PIEZO2: variants seen among roughly 807,000 people sequenced by gnomAD.
PIEZO2 encodes the protein piezo type mechanosensitive ion channel component 2.
PIEZO2 carries 172 observed loss-of-function variants against 337.3 expected under a neutral mutation model. That is an observed-to-expected ratio of 0.51 (90% CI 0.45 to 0.58). The LOEUF (loss-of-function observed/expected upper bound fraction) is 0.58, where lower values mean the gene tolerates loss of function less well. Ranked by LOEUF, PIEZO2 falls within the 20% of genes least tolerant of loss-of-function variation. The pLI, the probability that PIEZO2 is intolerant of heterozygous loss-of-function variation, is 0.00. For synonymous variants in PIEZO2, 1,251 were observed against 1,228.5 expected (o/e 1.02, Z -0.38); for missense variants, 3,028 against 3,391.3 (o/e 0.89, Z 2.66).
At chr18:11,060,826 G>A (rs922082876) in intron 2 of PIEZO2, among the ~76,000 whole-genome samples, 4 of 151,802 alleles carry the variant, frequency 2.6e-5, no homozygotes. Flanking sequence ...TCTACCAGAG[G>A]TACAAGGAGG....
chr18:10,981,055 C>G (rs1285601324), intron 2 of PIEZO2, among the ~76,000 whole-genome samples: 2 of 152,156 alleles, frequency 1.3e-5, no homozygotes, highest in Non-Finnish European at 2.9e-5. Flanking sequence ...ACAGCCTGCA[C>G]TACTGACTGT....
intron 1 of PIEZO2, among the ~76,000 whole-genome samples, chr18:11,067,783 AT>A (rs1402227080): frequency 6.6e-6 from 1 of 152,266 alleles, no homozygotes; most frequent in East Asian, 1.9e-4. Flanking sequence ...CTCAATATCC[AT>A]TTTTACAAAT....
chr18:10,800,607 A>G, intron 10 of PIEZO2, 132 bp from the exon 11 acceptor site: 6 of 1,066,084 alleles, frequency 5.6e-6, no homozygotes, highest in Non-Finnish European at 7.6e-6. Flanking sequence ...AACTTAGCCA[A>G]TTGCCCAAAT....
rs565862988 is a variant in PIEZO2 at position 10,724,391 on chromosome 18, C to A, written c.5030-6132G>T. ...AAAAACGAAAACAAAAGTGCTTTCTCCTGGCCCAGCATACTTGGGTGAAGT... is the reference window on the plus strand; with the variant it reads ...AAAAACGAAAACAAAAGTGCTTTCTACTGGCCCAGCATACTTGGGTGAAGT... On this transcript the variant is annotated intron_variant, in intron 36 of 55. Coordinates refer to ENST00000674853, the MANE Select transcript of PIEZO2 (RefSeq NM_001378183.1). This position sits in a 1 kb window ranked among gnomAD's most constrained non-coding sequence, Gnocchi z 5.8. 3.3e-5 allele frequency among the ~76,000 whole-genome samples: 5 copies of A among 152,268 alleles called. No homozygotes were observed. The highest frequency in any genetic ancestry group is 9.6e-5 in the African/African-American group (4 of 41,546).
At position 11,101,779 on chromosome 18, in the gene PIEZO2, A is replaced by T. The variant is rs1183971863; in HGVS notation, c.65-35557T>A. The stretch of plus-strand genomic sequence containing the variant: ...GCTAGATTGATAAATATCCTGAGGA[A>T]AAATGTAGACCCCGACCAGGCAGAA... On this transcript the variant is annotated intron_variant, in intron 1 of 55. Coordinates refer to ENST00000674853, the MANE Select transcript of PIEZO2 (RefSeq NM_001378183.1). This position sits in a 1 kb window ranked among gnomAD's most constrained non-coding sequence, Gnocchi z 4.4. 6.6e-6 allele frequency among the ~76,000 whole-genome samples: 1 copy of T among 152,210 alleles called. No homozygotes were observed. Among genetic ancestry groups the T allele is most frequent in the East Asian group, 1.9e-4 (1 of 5,194 alleles).
At chr18:11,064,819 T>G (rs2038097002) in intron 2 of PIEZO2, among the ~76,000 whole-genome samples, 1 of 152,248 alleles carries the variant, frequency 6.6e-6, no homozygotes, top group Non-Finnish European at 1.5e-5. Flanking sequence ...TTATTGTGAA[T>G]GCACGCACAA....
At chr18:10,965,209 A>G (rs530523643) in intron 3 of PIEZO2, among the ~76,000 whole-genome samples, 2 of 152,316 alleles carry the variant, frequency 1.3e-5, no homozygotes, top group South Asian at 2.1e-4. Flanking sequence ...AAGAACCACC[A>G]AACTGCTTTC....
chr18:10,734,606 G>T (rs2036924447), intron 35 of PIEZO2, among the ~76,000 whole-genome samples: 1 of 152,212 alleles, frequency 6.6e-6, no homozygotes, highest in South Asian at 2.1e-4. Context: ...CCGTAACGAA[G>T]CGACTACAGC....
intron 7 of PIEZO2, among the ~76,000 whole-genome samples, chr18:10,822,059 C>T (rs532103007): frequency 6.6e-6 from 1 of 152,312 alleles, no homozygotes; most frequent in South Asian, 2.1e-4. Context: ...TGTACTAATA[C>T]ATTTGTAAAT....
At position 10,745,536 on chromosome 18, in the gene PIEZO2, T is replaced by C. The variant is rs572854213; in HGVS notation, c.4425-1305A>G. Among the ~76,000 whole-genome samples the C allele has an allele frequency of 2.6e-5, 4 of 152,286 alleles. No individual in the cohort carries two copies. In the South Asian group the frequency reaches 6.2e-4, roughly 24 times the overall value. On this transcript the variant is annotated intron_variant, in intron 30 of 55. Transcript: ENST00000674853. ...CAAGGTCACCGATTTCAATGTTCAG[T>C]TGTTATTTTTGTCCTTATATAACCT...
Position 10,803,899 on chromosome 18 carries a change from G to A in PIEZO2, c.1176C>T (p.Thr392=), listed in dbSNP as rs2039908406. The A allele has an allele frequency of 3.9e-6, 6 of 1,537,274 alleles. No homozygotes were observed. The highest frequency in any genetic ancestry group is 5.2e-6 in the Non-Finnish European group (6 of 1,146,920). ...CTTTTCTCTCATCAGTGGGGTAATGGGTTGCGTACCACAGGCTCCGCCTCC... is the reference window on the plus strand; with the variant it reads ...CTTTTCTCTCATCAGTGGGGTAATGAGTTGCGTACCACAGGCTCCGCCTCC... ...AGRRRSLWYA[T]HYPTDERKLL... Residue 392 remains threonine (T), a synonymous_variant, in exon 9 of 56, where the codon ACC becomes ACT. Coordinates refer to ENST00000674853, the MANE Select transcript of PIEZO2 (RefSeq NM_001378183.1).
Position 10,696,475 on chromosome 18 carries a change from C to A in PIEZO2, c.6892G>T (p.Ala2298Ser). 6.2e-7 allele frequency: 1 copy of A among 1,614,108 alleles called. No individual in the cohort carries two copies. Among genetic ancestry groups the A allele is most frequent in the Non-Finnish European group, 8.5e-7 (1 of 1,180,022 alleles). Residue 2298 changes from alanine to serine, a missense_variant, in exon 46 of 56, where the codon GCC (alanine) becomes TCC (serine). Ala to Ser is a moderately conservative substitution (Grantham distance 99). Around this residue, in one of 5 missense-constraint regions of PIEZO2, gnomAD observed 1,925 missense variants for 2,051.9 expected, o/e 0.94. Coordinates refer to ENST00000674853, the MANE Select transcript of PIEZO2 (RefSeq NM_001378183.1). ...FYNLIHPEYS[A>S]VTDVYVLMFL... ...ATGAGTACATACACGTCAGTCACGG[C>A]GCTATACTCCGGGTGGATGAGGTTG... is the stretch of plus-strand genomic sequence containing the variant.
intron 36 of PIEZO2, chr18:10,725,306 G>A: frequency 6.3e-7 from 1 of 1,588,150 alleles, no homozygotes; most frequent in Non-Finnish European, 8.6e-7. Context: ...AAATACAGCA[G>A]AAGGAGGGCT....
At chr18:11,079,410 A>G (rs952860780) in intron 1 of PIEZO2, among the ~76,000 whole-genome samples, 1 of 152,236 alleles carries the variant, frequency 6.6e-6, no homozygotes. Flanking sequence ...CTGGGGGACA[A>G]GTAGGTTACA....
intron 5 of PIEZO2, among the ~76,000 whole-genome samples, chr18:10,864,555 T>C (rs1159296): frequency 0.25 from 38,764 of 152,138 alleles, 4,931 homozygotes; most frequent in Non-Finnish European, 0.27. Context: ...ATAGTTCTTG[T>C]TAAATATTAG....
rs6505614 is a variant in PIEZO2 at position 11,069,660 on chromosome 18, G to A, written c.65-3438C>T. On this transcript the variant is annotated intron_variant, in intron 1 of 55. Transcript: ENST00000674853. This position sits in a 1 kb window ranked among gnomAD's most constrained non-coding sequence, Gnocchi z 4.9. ...TTGACACTTCCATTCAATGTGGTAC[G>A]GGAAGTCCTAGGCAGAGGAATTAGG... Among the ~76,000 whole-genome samples, 97,210 of 151,992 alleles carry A rather than the reference G, an allele frequency of 0.64. 31,885 individuals carry two copies. The highest frequency in any genetic ancestry group is 0.97 in the East Asian group (5,017 of 5,174).
intron 2 of PIEZO2, among the ~76,000 whole-genome samples, chr18:11,058,901 G>A (rs1163038327): frequency 6.6e-6 from 1 of 152,164 alleles, no homozygotes; most frequent in East Asian, 1.9e-4. Context: ...AGGAAATACA[G>A]AGAATGCCAC....
Position 10,850,795 on chromosome 18 carries a change from T to C in PIEZO2, c.917+4558A>G, listed in dbSNP as rs1040609295. Among the ~76,000 whole-genome samples, 3 of 152,200 alleles carry C rather than the reference T, an allele frequency of 2.0e-5. No homozygotes were observed. The highest frequency in any genetic ancestry group is 4.4e-5 in the Non-Finnish European group (3 of 68,028). Reference sequence around the variant, plus strand: ...TGAAAAAAATTTGGCTAAAAAGCAATAGTATTTATTTCTGGGAATAAGGAT... The same window carrying C: ...TGAAAAAAATTTGGCTAAAAAGCAACAGTATTTATTTCTGGGAATAAGGAT... On this transcript the variant is annotated intron_variant, in intron 7 of 55. Transcript: ENST00000674853. The surrounding 1 kb of genome is among the most constrained non-coding windows in gnomAD (Gnocchi z 4.5).
Position 10,862,247 on chromosome 18 carries a change from A to G in PIEZO2, c.493-5036T>C, listed in dbSNP as rs1568140416. On this transcript the variant is annotated intron_variant, in intron 5 of 55. Transcript: ENST00000674853. This position sits in a 1 kb window ranked among gnomAD's most constrained non-coding sequence, Gnocchi z 4.4. The stretch of plus-strand genomic sequence containing the variant: ...AAAAATAAAATAAAAATAATAGAAT[A>G]CTGGAAAACATAGATAAAAGTTGCT... Among the ~76,000 whole-genome samples the G allele has an allele frequency of 1.3e-5, 2 of 152,276 alleles. No individual in the cohort carries two copies. Among genetic ancestry groups the G allele is most frequent in the South Asian group, 4.1e-4 (2 of 4,822 alleles).
Sources: gnomAD v4.1 joint callset for allele counts (sites outside exome capture counted in the v4.1 genomes callset) on GRCh38, gnomAD v4.1.1 for gene constraint, gnomAD v4.1.1 regional missense constraint, Gnocchi (gnomAD v3.1) non-coding constraint, MANE v1.5 for transcripts, NCBI Gene and HGNC (gene_info 2026-07-23, HGNC 2026-07-21) for gene names.